SYT2: variants seen among roughly 807,000 people sequenced by gnomAD.
SYT2 encodes synaptotagmin 2.
Under a neutral mutation model 39.9 loss-of-function variants are expected in SYT2, and 15 were observed. That is an observed-to-expected ratio of 0.38 (90% CI 0.25 to 0.58). The LOEUF (loss-of-function observed/expected upper bound fraction) is 0.58. Ranked by LOEUF, SYT2 falls within the 20% of genes least tolerant of loss-of-function variation. The probability of loss-of-function intolerance (pLI) is 0.70; values close to 1 mark genes in which losing one functional copy is unlikely to be tolerated. For missense variants in SYT2, 389 were observed against 530.3 expected (o/e 0.73, Z 2.62); for synonymous variants, 181 against 204.5 (o/e 0.89, Z 0.98).
At position 202,628,938 on chromosome 1, in the gene SYT2, G is replaced by A. The variant is rs1477204713; in HGVS notation, c.-17-23149C>T. Among the ~76,000 whole-genome samples the A allele has an allele frequency of 6.6e-6, 1 of 152,160 alleles. No homozygotes were observed. The highest frequency in any genetic ancestry group is 1.5e-5 in the Non-Finnish European group (1 of 68,030). On this transcript the variant is annotated intron_variant, in intron 1 of 8. Coordinates refer to ENST00000367268, the MANE Select transcript of SYT2 (RefSeq NM_177402.5). This position sits in a 1 kb window ranked among gnomAD's most constrained non-coding sequence, Gnocchi z 4.2. Reference sequence around the variant, plus strand: ...TAACCTCTCTGGGCCTCAGCACTCCGTCTGCAAAATGGGAATGATAATGGA... The same window carrying A: ...TAACCTCTCTGGGCCTCAGCACTCCATCTGCAAAATGGGAATGATAATGGA...
chr1:202,698,489 G>GT (rs1216007800), intron 1 of SYT2, among the ~76,000 whole-genome samples: 1 of 152,196 alleles, frequency 6.6e-6, no homozygotes, highest in African/African-American at 2.4e-5. Context: ...CATTCTCTCA[G>GT]TGCCAGAGCC....
rs565598787 is a variant in SYT2 at position 202,594,381 on chromosome 1, T to C, written c.*2376A>G. ...CATGAATGGAAAAGAATCCAGGTGG[T>C]AGAAGATGAATTGGGAAAGGGCAAA... On this transcript the variant is annotated 3_prime_UTR_variant, in exon 9 of 9. Coordinates refer to ENST00000367268, the MANE Select transcript of SYT2 (RefSeq NM_177402.5). 2 of 151,990 alleles carry C rather than the reference T, an allele frequency of 1.3e-5. No individual in the cohort carries two copies. The highest frequency in any genetic ancestry group is 2.9e-5 in the Non-Finnish European group (2 of 68,032). 9.4% of individuals were successfully genotyped at this position (151,990 alleles called of 1,614,324 possible). A position where few individuals can be genotyped will look rare whatever the true frequency, so the allele number is the denominator to read the frequency against.
chr1:202,644,246 C>G (rs1224018421), intron 1 of SYT2, among the ~76,000 whole-genome samples: 1 of 152,036 alleles, frequency 6.6e-6, no homozygotes, highest in Admixed American at 6.5e-5. Flanking sequence ...GGAAGAGCGT[C>G]TGCTGGCACA....
At chr1:202,605,533 CCTT>C in intron 2 of SYT2, 59 bp downstream of exon 2, 6 of 1,503,782 alleles carry the variant, frequency 4.0e-6, no homozygotes, top group Non-Finnish European at 5.5e-6. Flanking sequence ...GTATCCCCAC[CCTT>C]CTTCACCTCT....
intron 1 of SYT2, among the ~76,000 whole-genome samples, chr1:202,608,567 C>A (rs570253086): frequency 6.6e-6 from 1 of 152,198 alleles, no homozygotes; most frequent in African/African-American, 2.4e-5. Flanking sequence ...TGAGCCACCG[C>A]ACCTTGCCTA....
intron 1 of SYT2, among the ~76,000 whole-genome samples, chr1:202,655,416 C>T (rs534607234): frequency 2.0e-5 from 3 of 152,112 alleles, no homozygotes; most frequent in East Asian, 3.9e-4. Context: ...TAAGTTCTTC[C>T]GTTTTCTTTA....
chr1:202,679,371 T>C (rs1174267620), intron 1 of SYT2, among the ~76,000 whole-genome samples: 1 of 152,160 alleles, frequency 6.6e-6, no homozygotes, highest in Non-Finnish European at 1.5e-5. Context: ...AAACTCCCCA[T>C]ATCCAAACTA....
At position 202,623,204 on chromosome 1, in the gene SYT2, C is replaced by CCG. The variant is rs201425473; in HGVS notation, c.-17-17417_-17-17416dup. ...ACAACTTGAAACAGGACAGAGAAGC[C>CCG]CGCCATCCCCATGGGAGAGGAGCTG... On this transcript the variant is annotated intron_variant, in intron 1 of 8. Coordinates refer to ENST00000367268, the MANE Select transcript of SYT2 (RefSeq NM_177402.5). The surrounding 1 kb of genome is among the most constrained non-coding windows in gnomAD (Gnocchi z 4.2). 0.013 allele frequency among the ~76,000 whole-genome samples: 1,965 copies of CCG among 152,346 alleles called. 41 individuals are homozygous for CCG. The highest frequency in any genetic ancestry group is 0.045 in the African/African-American group (1,872 of 41,568).
At chr1:202,611,465 C>G (rs2149076728) in intron 1 of SYT2, among the ~76,000 whole-genome samples, 1 of 152,292 alleles carries the variant, frequency 6.6e-6, no homozygotes, top group African/African-American at 2.4e-5. Context: ...GATTCTCCAG[C>G]CTCAGCCTCC....
At chr1:202,598,244 G>A (rs1690370598) in intron 8 of SYT2, among the ~76,000 whole-genome samples, 1 of 152,192 alleles carries the variant, frequency 6.6e-6, no homozygotes. Flanking sequence ...GGACTGTGGG[G>A]TCATTCATTG....
chr1:202,660,481 C>T (rs1692355952), intron 1 of SYT2, among the ~76,000 whole-genome samples: 1 of 152,138 alleles, frequency 6.6e-6, no homozygotes, highest in African/African-American at 2.4e-5. Context: ...AAATAGCTCC[C>T]AGACTTTAAC....
At chr1:202,666,477 G>C (rs1692483787) in intron 1 of SYT2, among the ~76,000 whole-genome samples, 1 of 152,120 alleles carries the variant, frequency 6.6e-6, no homozygotes, top group South Asian at 2.1e-4. Context: ...GAGAGGAGAG[G>C]GTTTGAAGGC....
intron 1 of SYT2, among the ~76,000 whole-genome samples, chr1:202,674,750 C>A (rs1653310585): frequency 6.6e-6 from 1 of 152,144 alleles, no homozygotes; most frequent in Non-Finnish European, 1.5e-5. Flanking sequence ...GCAGTCCAGG[C>A]CTCCCACTTC....
intron 1 of SYT2, among the ~76,000 whole-genome samples, chr1:202,662,226 G>A (rs1692395465): frequency 6.6e-6 from 1 of 152,234 alleles, no homozygotes; most frequent in African/African-American, 2.4e-5. Context: ...AAGAGGCATA[G>A]TGTATGCGAG....
intron 1 of SYT2, chr1:202,632,697 G>A (rs1366987481): frequency 2.0e-6 from 1 of 490,954 alleles, no homozygotes; most frequent in Non-Finnish European, 2.6e-6. Flanking sequence ...CCTGCCCAGA[G>A]AGGCTCCTCC....
intron 5 of SYT2, 88 bp downstream of exon 5, chr1:202,602,290 T>C: frequency 2.1e-6 from 3 of 1,443,752 alleles, no homozygotes; most frequent in Non-Finnish European, 2.9e-6. Context: ...GGCTGAGCCA[T>C]GGCTAAGGAC....
intron 1 of SYT2, among the ~76,000 whole-genome samples, chr1:202,658,853 G>A (rs1320217997): frequency 3.3e-5 from 5 of 152,082 alleles, no homozygotes; most frequent in Admixed American, 3.3e-4. Context: ...GGTGAAGTCA[G>A]GAGGTCTAGG....
chr1:202,705,679 A>C (rs1419482977), intron 1 of SYT2, among the ~76,000 whole-genome samples: 1 of 151,484 alleles, frequency 6.6e-6, no homozygotes, highest in Non-Finnish European at 1.5e-5. Context: ...TCCAGGGAGG[A>C]AGCTTCTACA....
chr1:202,673,169 T>G (rs1653217003), intron 1 of SYT2, among the ~76,000 whole-genome samples: 1 of 152,082 alleles, frequency 6.6e-6, no homozygotes, highest in Admixed American at 6.5e-5. Context: ...ATCCTCCAAG[T>G]GTAGATGGTG....
Sources: allele counts gnomAD v4.1 joint callset (sites outside exome capture counted in the v4.1 genomes callset), GRCh38; gene constraint gnomAD v4.1.1; non-coding constraint Gnocchi (gnomAD v3.1); transcripts MANE v1.5; gene names NCBI Gene and HGNC (gene_info 2026-07-23, HGNC 2026-07-21).